The following SNX13 variants were observed in gnomAD, a reference collection of about 807,000 sequenced individuals.
SNX13 encodes the protein sorting nexin-13.
In SNX13, 45 loss-of-function variants were observed where a neutral mutation model predicts 133.6. The ratio of observed to expected loss-of-function variants is 0.34; its 90% CI spans 0.27 to 0.43. The LOEUF (loss-of-function observed/expected upper bound fraction) is 0.43. SNX13 is among the 20% of genes least tolerant of loss of function. The pLI, the probability that SNX13 is intolerant of heterozygous loss-of-function variation, is 1.00. For missense variants in SNX13, 1,032 were observed against 1,145.1 expected (o/e 0.90, Z 1.43); for synonymous variants, 414 against 373.9 (o/e 1.11, Z -1.24).
chr7:17,798,834 C>G (rs1003251253), intron 23 of SNX13, 76 bp from the exon 24 acceptor site: 1 of 1,250,516 alleles, frequency 8.0e-7, no homozygotes, highest in African/African-American at 1.6e-5. Flanking sequence ...TTTCATAGAG[C>G]AAGCAACTTA....
intron 11 of SNX13, among the ~76,000 whole-genome samples, chr7:17,847,507 T>C (rs1487854903): frequency 6.6e-6 from 1 of 152,150 alleles, no homozygotes; most frequent in Non-Finnish European, 1.5e-5. Context: ...AAAATAATTC[T>C]TCTATTCCTT....
chr7:17,808,722 A>G (rs1445778721), intron 20 of SNX13, among the ~76,000 whole-genome samples: 2 of 152,222 alleles, frequency 1.3e-5, no homozygotes, highest in African/African-American at 4.8e-5. Context: ...CAGGTTACCC[A>G]CAAAGGGAAG....
chr7:17,832,109 T>C (rs1184943226), intron 15 of SNX13: 6 of 983,718 alleles, frequency 6.1e-6, no homozygotes, highest in Non-Finnish European at 6.0e-6. Context: ...ATGATTCAAA[T>C]GTGAGGGGTT....
intron 5 of SNX13, among the ~76,000 whole-genome samples, chr7:17,887,871 A>C (rs1299858518): frequency 6.6e-6 from 1 of 151,090 alleles, no homozygotes; most frequent in African/African-American, 2.4e-5. Context: ...AAAAAACCAC[A>C]GTTTTTTTCC....
At chr7:17,875,293 C>T (rs560107334) in intron 7 of SNX13, among the ~76,000 whole-genome samples, 187 bp downstream of exon 7, 84 of 151,806 alleles carry the variant, frequency 5.5e-4, no homozygotes, top group African/African-American at 2.0e-3. Flanking sequence ...TTAAAGATGA[C>T]CTTTAAAGAA....
chr7:17,912,112 A>G (rs956781039), intron 1 of SNX13, among the ~76,000 whole-genome samples: 1 of 152,232 alleles, frequency 6.6e-6, no homozygotes, highest in Non-Finnish European at 1.5e-5. Context: ...CAAGAAAGAA[A>G]ACAGGATTCA....
At position 17,884,206 on chromosome 7, in the gene SNX13, G is replaced by T. The variant is rs528614715; in HGVS notation, c.440+6157C>A. On this transcript the variant is annotated intron_variant, in intron 5 of 25. Transcript: ENST00000428135. ...CTATATAAAAATTGTGACTATGTATGCACAGCTAAGACATTAAAAGGAAAT... is the reference window on the plus strand; with the variant it reads ...CTATATAAAAATTGTGACTATGTATTCACAGCTAAGACATTAAAAGGAAAT... Among the ~76,000 whole-genome samples, 3 of 152,256 alleles carry T rather than the reference G, an allele frequency of 2.0e-5. No homozygotes were observed. The South Asian group carries it at 6.2e-4, about 32-fold the overall frequency.
intron 9 of SNX13, among the ~76,000 whole-genome samples, chr7:17,858,402 A>G (rs1562787279): frequency 2.0e-5 from 3 of 151,972 alleles, no homozygotes; most frequent in Non-Finnish European, 2.9e-5. Context: ...AACAGCATCA[A>G]AAATATAAAA....
chr7:17,916,109 T>C (rs1351453846), intron 1 of SNX13, among the ~76,000 whole-genome samples: 1 of 151,960 alleles, frequency 6.6e-6, no homozygotes, highest in Non-Finnish European at 1.5e-5. Flanking sequence ...TGTTAAAAAA[T>C]GAAAACAGGC....
chr7:17,807,109 G>C (rs529845843), intron 20 of SNX13, among the ~76,000 whole-genome samples: 236 of 152,118 alleles, frequency 1.6e-3, no homozygotes, highest in African/African-American at 5.5e-3. Context: ...ACACAGAACC[G>C]TTCACTCCCC....
intron 2 of SNX13, among the ~76,000 whole-genome samples, chr7:17,896,077 T>C (rs1247731501): frequency 6.6e-6 from 1 of 152,188 alleles, no homozygotes; most frequent in Non-Finnish European, 1.5e-5. Flanking sequence ...ATGTCACTAT[T>C]CAGCCATGCT....
chr7:17,825,982 C>A, intron 17 of SNX13, 40 bp downstream of exon 17: 2 of 1,310,124 alleles, frequency 1.5e-6, no homozygotes, highest in Non-Finnish European at 2.1e-6. Flanking sequence ...TATAATAATA[C>A]ATAGTTTTAA....
At chr7:17,923,807 G>A (rs1050252640) in intron 1 of SNX13, among the ~76,000 whole-genome samples, 4 of 151,916 alleles carry the variant, frequency 2.6e-5, no homozygotes, top group African/African-American at 9.7e-5. Context: ...AAGTTACTGG[G>A]GTCTTAGTTT....
At chr7:17,897,481 A>G (rs1056089343) in intron 1 of SNX13, 35 bp from the exon 2 acceptor site, 4 of 1,197,900 alleles carry the variant, frequency 3.3e-6, no homozygotes, top group East Asian at 2.6e-5. Context: ...AAATTAGTAA[A>G]TAATTCTCCA....
intron 1 of SNX13, among the ~76,000 whole-genome samples, chr7:17,908,720 G>C (rs1275704209): frequency 6.6e-6 from 1 of 152,122 alleles, no homozygotes; most frequent in Non-Finnish European, 1.5e-5. Flanking sequence ...GGTAAATAAA[G>C]CATAGTTTTC....
chr7:17,824,217 T>A (rs1351772684), intron 17 of SNX13, among the ~76,000 whole-genome samples: 1 of 152,122 alleles, frequency 6.6e-6, no homozygotes, highest in Non-Finnish European at 1.5e-5. Context: ...TCAACTCCAT[T>A]ACTAATCATA....
At chr7:17,881,101 T>TAA (rs1472113556) in intron 5 of SNX13, 1 of 152,152 alleles carries the variant, frequency 6.6e-6, no homozygotes, top group Non-Finnish European at 1.5e-5. Flanking sequence ...AACAATCCTA[T>TAA]AATAAATGTT....
intron 1 of SNX13, among the ~76,000 whole-genome samples, chr7:17,906,919 C>T (rs1798466292): frequency 6.6e-6 from 1 of 152,052 alleles, no homozygotes; most frequent in African/African-American, 2.4e-5. Context: ...ATACAGTCAG[C>T]CCTAACAAAT....
At chr7:17,868,027 T>C (rs1446797676) in intron 9 of SNX13, among the ~76,000 whole-genome samples, 1 of 152,170 alleles carries the variant, frequency 6.6e-6, no homozygotes, top group Admixed American at 6.5e-5. Context: ...CTGTCCTCCA[T>C]ATTTTCCCCA....
Sources: gnomAD v4.1 joint callset for allele counts (sites outside exome capture counted in the v4.1 genomes callset) on GRCh38, gnomAD v4.1.1 for gene constraint, MANE v1.5 for transcripts, NCBI Gene and HGNC (gene_info 2026-07-23, HGNC 2026-07-21) for gene names.